TRIM62: variants seen among roughly 807,000 people sequenced by gnomAD.
TRIM62 encodes E3 ubiquitin-protein ligase TRIM62.
In TRIM62, 39 loss-of-function variants were observed where a neutral mutation model predicts 44.2. That is an observed-to-expected ratio of 0.88 (90% confidence interval 0.68 to 1.15). The LOEUF (loss-of-function observed/expected upper bound fraction) is 1.15, where lower values mean the gene tolerates loss of function less well. Among genes scored for constraint, TRIM62 ranks in the 50% most tolerant of loss-of-function variants. TRIM62 has a pLI of 0.00. For synonymous variants in TRIM62, 278 were observed against 292.3 expected (o/e 0.95, Z 0.50); for missense variants, 544 against 665.5 (o/e 0.82, Z 2.01).
chr1:33,155,148 T>C (rs1401370284), intron 4 of TRIM62, among the ~76,000 whole-genome samples: 2 of 149,268 alleles, frequency 1.3e-5, no homozygotes, highest in Admixed American at 1.3e-4. Context: ...CTCGGCTCAT[T>C]GCAGCCTTCA....
intron 1 of TRIM62, among the ~76,000 whole-genome samples, chr1:33,178,598 G>A (rs1467203079): frequency 6.6e-6 from 1 of 152,202 alleles, no homozygotes; most frequent in Non-Finnish European, 1.5e-5. Flanking sequence ...CAAATAGCAG[G>A]TTAATCCCAG....
At chr1:33,148,224 C>T (rs1422441747) in intron 4 of TRIM62, among the ~76,000 whole-genome samples, 1 of 152,184 alleles carries the variant, frequency 6.6e-6, no homozygotes, top group Non-Finnish European at 1.5e-5. Context: ...TGCCCCACAC[C>T]TTCCCCGACT....
At position 33,165,776 on chromosome 1, in the gene TRIM62, T is replaced by C; in HGVS notation, c.409-210A>G. 1 of 406,886 alleles carries C rather than the reference T, an allele frequency of 2.5e-6. No homozygotes were observed. The highest frequency in any genetic ancestry group is 4.4e-6 in the Non-Finnish European group (1 of 227,946). The allele number at this position is 406,886 out of a possible 1,614,324, so 25.2% of individuals were successfully genotyped here. ...CGTCCGTATCTTTCACCTGCATCTTTGCAACAACCTCCTCCTCTTTGGCCA... is the reference window on the plus strand; with the variant it reads ...CGTCCGTATCTTTCACCTGCATCTTCGCAACAACCTCCTCCTCTTTGGCCA... On this transcript the variant is annotated intron_variant, in intron 1 of 4. Transcript: ENST00000291416. The surrounding 1 kb of genome is among the most constrained non-coding windows in gnomAD (Gnocchi z 4.0).
In TRIM62 at chr1:33,158,278, C is replaced by G; in HGVS notation, c.852G>C (p.Lys284Asn). The change falls in exon 4 of 5, where the codon AAG becomes AAC. Residue 284 changes from lysine (K) to asparagine (N), a missense_variant. Coordinates refer to ENST00000291416, the MANE Select transcript of TRIM62 (RefSeq NM_018207.3). Reference protein sequence around the residue: ...YTGPLQYTIWKSLFQDIHPVP... With the variant: ...YTGPLQYTIWNSLFQDIHPVP... The stretch of plus-strand genomic sequence containing the variant: ...CTGGGTGGATGTCCTGGAACAGGGA[C>G]TTCCAGATGGTGTACTGCAGGGGGC... 1 of 1,614,052 alleles carries G rather than the reference C, an allele frequency of 6.2e-7. No homozygotes were observed. Among genetic ancestry groups the G allele is most frequent in the Non-Finnish European group, 8.5e-7 (1 of 1,179,916 alleles).
intron 1 of TRIM62, 60 bp downstream of exon 1, chr1:33,180,965 C>G (rs1645456562): frequency 2.7e-6 from 2 of 727,894 alleles, no homozygotes; most frequent in Admixed American, 2.7e-5. Flanking sequence ...ACCCCACCCC[C>G]CGCCCGGCCC....
chr1:33,151,322 G>A (rs1036797670), intron 4 of TRIM62, among the ~76,000 whole-genome samples: 5 of 152,074 alleles, frequency 3.3e-5, no homozygotes, highest in Non-Finnish European at 7.4e-5. Context: ...TCTCTTAGGC[G>A]GGGGTGTGGC....
intron 1 of TRIM62, among the ~76,000 whole-genome samples, chr1:33,173,555 G>A (rs1468858148): frequency 6.6e-6 from 1 of 151,898 alleles, no homozygotes; most frequent in Non-Finnish European, 1.5e-5. Flanking sequence ...TAGCCACAAC[G>A]AACCACCTGA....
chr1:33,167,941 G>T lies in TRIM62; in HGVS notation c.409-2375C>A, dbSNP rs1459437031. ...GTTGAGGCACTGGGATTATGGCGAA[G>T]GACAAGACAGACACAGTCCCTGATC... On this transcript the variant is annotated intron_variant, in intron 1 of 4. Coordinates refer to ENST00000291416, the MANE Select transcript of TRIM62 (RefSeq NM_018207.3). This position sits in a 1 kb window ranked among gnomAD's most constrained non-coding sequence, Gnocchi z 4.2. Among the ~76,000 whole-genome samples the T allele has an allele frequency of 6.6e-6, 1 of 152,184 alleles. No individual in the cohort carries two copies.
intron 4 of TRIM62, among the ~76,000 whole-genome samples, chr1:33,153,671 ACACTAG>A (rs1398276852): frequency 6.6e-6 from 1 of 152,290 alleles, no homozygotes; most frequent in East Asian, 1.9e-4. Flanking sequence ...TGAGAAGGGA[ACACTAG>A]CATCCCTATT....
intron 1 of TRIM62, 53 bp downstream of exon 1, chr1:33,180,972 G>A (rs1252517131): frequency 1.2e-5 from 16 of 1,306,598 alleles, no homozygotes; most frequent in South Asian, 4.5e-5. Context: ...CCCCCGCCCG[G>A]CCCCACCTCC....
chr1:33,150,683 G>A (rs1015575217), intron 4 of TRIM62, among the ~76,000 whole-genome samples: 3 of 152,224 alleles, frequency 2.0e-5, no homozygotes, highest in Non-Finnish European at 4.4e-5. Context: ...TCAGAACCAG[G>A]GGGCCCCTGC....
At chr1:33,171,273 C>A (rs1645372989) in intron 1 of TRIM62, among the ~76,000 whole-genome samples, 1 of 152,242 alleles carries the variant, frequency 6.6e-6, no homozygotes, top group African/African-American at 2.4e-5. Flanking sequence ...GGCAGAGACC[C>A]AGGACCAGAG....
At chr1:33,179,557 C>A (rs1645445120) in intron 1 of TRIM62, among the ~76,000 whole-genome samples, 1 of 152,200 alleles carries the variant, frequency 6.6e-6, no homozygotes. Flanking sequence ...AGCCAAAAAC[C>A]TTCTGCTTCC....
chr1:33,151,258 G>A (rs1645093445), intron 4 of TRIM62, among the ~76,000 whole-genome samples: 1 of 152,120 alleles, frequency 6.6e-6, no homozygotes, highest in South Asian at 2.1e-4. Context: ...CAGGGGACAG[G>A]ATGGGTACAG....
chr1:33,159,555 C>A lies in TRIM62; in HGVS notation c.761+133G>T. 1 of 1,312,504 alleles carries A rather than the reference C, an allele frequency of 7.6e-7. No individual in the cohort carries two copies. Among genetic ancestry groups the A allele is most frequent in the Non-Finnish European group, 1.0e-6 (1 of 983,288 alleles). The allele number at this position is 1,312,504 out of a possible 1,614,324, so 81.3% of individuals were successfully genotyped here. On this transcript the variant is annotated intron_variant, in intron 3 of 4. Transcript: ENST00000291416. This position sits in a 1 kb window ranked among gnomAD's most constrained non-coding sequence, Gnocchi z 4.2. ...TCATGCTCCTACCCATAGCAGATGT[C>A]CCGTAAATGTTTGATGAAGATTTGA...
rs151141218 is a variant in TRIM62 at position 33,158,421 on chromosome 1, A to G, written c.762-53T>C. ...CACCAGGGACTGGATTCCTGCCCCA[A>G]TGCCAGGGGCCCCGCAGCCACCTTC... On this transcript the variant is annotated intron_variant, in intron 3 of 4. Transcript: ENST00000291416. The G allele has an allele frequency of 3.5e-4, 536 of 1,519,798 alleles. 2 individuals carry two copies. The East Asian group carries it at 0.011, about 30-fold the overall frequency. The allele number at this position is 1,519,798 out of a possible 1,614,324, so 94.1% of individuals were successfully genotyped here. A position where few individuals can be genotyped will look rare whatever the true frequency, so the allele number is the denominator to read the frequency against.
At chr1:33,174,771 C>T (rs1645400491) in intron 1 of TRIM62, among the ~76,000 whole-genome samples, 1 of 152,108 alleles carries the variant, frequency 6.6e-6, no homozygotes, top group South Asian at 2.1e-4. Context: ...GTTACAGCAA[C>T]CTACCAGTTT....
chr1:33,147,615 C>A lies in TRIM62; in HGVS notation c.990G>T (p.Ser330=), dbSNP rs764412710. 27 of 1,613,976 alleles carry A rather than the reference C, an allele frequency of 1.7e-5. No homozygotes were observed. ...GNLHPQPLQD[S]PKRFDVEVSV... The stretch of plus-strand genomic sequence containing the variant: ...ACACCTCCACATCGAAGCGCTTTGG[C>A]GAGTCCTGCAGTGGCTGTGGGTGCA... Residue 330 remains serine, a synonymous_variant, in exon 5 of 5, where the codon TCG becomes TCT. Transcript: ENST00000291416. The surrounding 1 kb of genome is among the most constrained non-coding windows in gnomAD (Gnocchi z 8.1).
rs953634248 is a variant in TRIM62 at position 33,165,691 on chromosome 1, C to T, written c.409-125G>A. 1.9e-5 allele frequency: 14 copies of T among 722,060 alleles called. No homozygotes were observed. Among genetic ancestry groups the T allele is most frequent in the Non-Finnish European group, 2.3e-5 (11 of 470,204 alleles). 44.7% of individuals were successfully genotyped at this position (722,060 alleles called of 1,614,324 possible). A position where few individuals can be genotyped will look rare whatever the true frequency, so the allele number is the denominator to read the frequency against. On this transcript the variant is annotated intron_variant, in intron 1 of 4. Transcript: ENST00000291416. The surrounding 1 kb of genome is among the most constrained non-coding windows in gnomAD (Gnocchi z 4.0). The stretch of plus-strand genomic sequence containing the variant: ...TCCCCAACCTCCAACACTTGCCTCC[C>T]GTCACAGTTCAACCACCAGCAAGTC...
Sources: gnomAD v4.1 joint callset for allele counts (sites outside exome capture counted in the v4.1 genomes callset) on GRCh38, gnomAD v4.1.1 for gene constraint, Gnocchi (gnomAD v3.1) non-coding constraint, MANE v1.5 for transcripts, NCBI Gene and HGNC (gene_info 2026-07-23, HGNC 2026-07-21) for gene names.